The following SLC44A5 variants were observed in gnomAD, a reference collection of about 807,000 sequenced individuals.
The protein encoded by SLC44A5 is solute carrier family 44 member 5, also known as choline transporter-like protein 5.
In SLC44A5, 57 loss-of-function variants were observed where a neutral mutation model predicts 101.8. The observed-to-expected ratio is 0.56, with a 90% CI of 0.45 to 0.70. The LOEUF is 0.70. SLC44A5 is among the 30% of genes least tolerant of loss of function. The probability of loss-of-function intolerance (pLI) is 0.00; values close to 1 mark genes in which losing one functional copy is unlikely to be tolerated. For synonymous variants in SLC44A5, 281 were observed against 290.9 expected (o/e 0.97, Z 0.35); for missense variants, 737 against 853.1 (o/e 0.86, Z 1.70).
intron 2 of SLC44A5, among the ~76,000 whole-genome samples, chr1:75,528,050 T>C (rs1670517049): frequency 6.6e-6 from 1 of 152,210 alleles, no homozygotes; most frequent in Admixed American, 6.5e-5. Flanking sequence ...TCCTACTATA[T>C]TGATTGCTAT....
At chr1:75,231,787 A>C (rs1339284299) in intron 12 of SLC44A5, among the ~76,000 whole-genome samples, 1 of 152,154 alleles carries the variant, frequency 6.6e-6, no homozygotes, top group Non-Finnish European at 1.5e-5. Context: ...TGCCTTTTTC[A>C]TACCTTAAAT....
the SLC44A5 span, among the ~76,000 whole-genome samples, chr1:75,619,124 G>A: frequency 1.3e-5 from 2 of 149,632 alleles, no homozygotes; most frequent in African/African-American, 4.9e-5. Context: ...AGGGGAGGGA[G>A]GAAGGGAGAG....
chr1:75,436,928 C>T (rs1249478800), intron 2 of SLC44A5, among the ~76,000 whole-genome samples: 2 of 152,008 alleles, frequency 1.3e-5, no homozygotes, highest in Non-Finnish European at 2.9e-5. Context: ...CCTAGGCCAA[C>T]ACGAGGTTAG....
intron 2 of SLC44A5, among the ~76,000 whole-genome samples, chr1:75,439,788 G>A (rs138385457): frequency 1.8e-3 from 281 of 152,178 alleles, no homozygotes; most frequent in African/African-American, 6.1e-3. Context: ...AAAGGTAATG[G>A]CAGAGAATCT....
At chr1:75,710,796 T>C in the SLC44A5 span, among the ~76,000 whole-genome samples, 6 of 152,148 alleles carry the variant, frequency 3.9e-5, no homozygotes, top group Non-Finnish European at 5.9e-5. Flanking sequence ...TAGACTCTTA[T>C]GCTACTCCAA....
At chr1:75,588,555 C>A (rs934651341) in intron 1 of SLC44A5, among the ~76,000 whole-genome samples, 1 of 152,018 alleles carries the variant, frequency 6.6e-6, no homozygotes, top group African/African-American at 2.4e-5. Flanking sequence ...TGGTTAGGTT[C>A]TGGGAAAATG....
At chr1:75,459,705 A>C (rs1001339413) in intron 2 of SLC44A5, among the ~76,000 whole-genome samples, 1 of 152,214 alleles carries the variant, frequency 6.6e-6, no homozygotes, top group Non-Finnish European at 1.5e-5. Context: ...ATCAGCACAC[A>C]ATTATTAGAA....
chr1:75,706,860 T>C, the SLC44A5 span, among the ~76,000 whole-genome samples: 2 of 152,222 alleles, frequency 1.3e-5, no homozygotes, highest in Non-Finnish European at 2.9e-5. Context: ...GCAGCTAACA[T>C]ATGTGAAATA....
chr1:75,660,976 T>C, the SLC44A5 span, among the ~76,000 whole-genome samples: 1 of 152,000 alleles, frequency 6.6e-6, no homozygotes, highest in Non-Finnish European at 1.5e-5. Context: ...TCCACAGAAA[T>C]AGAAAAACAA....
Position 75,388,911 on chromosome 1 carries a change from T to C in SLC44A5, c.52+7672A>G, listed in dbSNP as rs562668174. Among the ~76,000 whole-genome samples, 7 of 152,282 alleles carry C rather than the reference T, an allele frequency of 4.6e-5. No homozygotes were observed. In the East Asian group the frequency reaches 1.2e-3, roughly 25 times the overall value. On this transcript the variant is annotated intron_variant, in intron 3 of 23. Transcript: ENST00000370859. ...AAAAAAAAGACCCAACCTTTCTCTG[T>C]CTTCAAGAGACACATATCATGTGTA...
chr1:75,389,353 A>G (rs1661630113), intron 3 of SLC44A5, among the ~76,000 whole-genome samples: 1 of 152,218 alleles, frequency 6.6e-6, no homozygotes, highest in African/African-American at 2.4e-5. Context: ...ATACTACCCA[A>G]CAACCACAGA....
At chr1:75,479,726 C>G (rs1342461272) in intron 2 of SLC44A5, among the ~76,000 whole-genome samples, 1 of 152,170 alleles carries the variant, frequency 6.6e-6, no homozygotes, top group Non-Finnish European at 1.5e-5. Flanking sequence ...CTGAATAGAC[C>G]AATAACAGGC....
chr1:75,625,185 A>G, the SLC44A5 span, among the ~76,000 whole-genome samples: 1 of 152,092 alleles, frequency 6.6e-6, no homozygotes, highest in African/African-American at 2.4e-5. Flanking sequence ...CTTCCCTTGT[A>G]TCATCTCCTC....
At chr1:75,256,069 A>G (rs1314028395) in intron 6 of SLC44A5, among the ~76,000 whole-genome samples, 2 of 152,140 alleles carry the variant, frequency 1.3e-5, no homozygotes, top group East Asian at 1.9e-4. Flanking sequence ...GCCTTGGGAT[A>G]TAGGAAACAA....
chr1:75,632,989 C>A, the SLC44A5 span, among the ~76,000 whole-genome samples: 59 of 152,182 alleles, frequency 3.9e-4, no homozygotes, highest in Non-Finnish European at 6.6e-4. Flanking sequence ...ATACCAATGA[C>A]AAATATTTCT....
At chr1:75,484,535 A>G (rs1027036822) in intron 2 of SLC44A5, among the ~76,000 whole-genome samples, 4 of 152,206 alleles carry the variant, frequency 2.6e-5, no homozygotes, top group African/African-American at 9.6e-5. Flanking sequence ...TGCTTTCACT[A>G]GCTGGCATTG....
At chr1:75,203,875 T>C (rs1242453535) in intron 23 of SLC44A5, 42 bp from the exon 24 acceptor site, 1 of 1,503,978 alleles carries the variant, frequency 6.6e-7, no homozygotes, top group Non-Finnish European at 8.9e-7. Flanking sequence ...AAAGCAGAAC[T>C]GTAAGAGAAG....
At chr1:75,700,645 A>T in the SLC44A5 span, among the ~76,000 whole-genome samples, 1 of 152,238 alleles carries the variant, frequency 6.6e-6, no homozygotes, top group African/African-American at 2.4e-5. Flanking sequence ...AAGGCAAGAA[A>T]TATCTAAGAT....
chr1:75,472,308 G>A (rs958475271), intron 2 of SLC44A5, among the ~76,000 whole-genome samples: 4 of 151,954 alleles, frequency 2.6e-5, no homozygotes, highest in African/African-American at 9.7e-5. Flanking sequence ...TCTTTCTTTT[G>A]AGAAGAAAGC....
Sources: allele counts gnomAD v4.1 joint callset (sites outside exome capture counted in the v4.1 genomes callset), GRCh38; gene constraint gnomAD v4.1.1; transcripts MANE v1.5; gene names NCBI Gene and HGNC (gene_info 2026-07-23, HGNC 2026-07-21).